ABCA13: variants seen among roughly 807,000 people sequenced by gnomAD.
ABCA13 encodes ATP binding cassette subfamily A member 13, also known as ATP-binding cassette sub-family A member 13.
Under a neutral mutation model 478.7 loss-of-function variants are expected in ABCA13, and 476 were observed. The ratio of observed to expected loss-of-function variants is 0.99; its 90% confidence interval spans 0.92 to 1.07. The LOEUF (loss-of-function observed/expected upper bound fraction) is 1.07. Among genes scored for constraint, ABCA13 ranks in the 50% least tolerant of loss-of-function variants. ABCA13 has a pLI of 0.00. For missense variants in ABCA13, 6,060 were observed against 5,910.6 expected (o/e 1.03, Z -0.83); for synonymous variants, 2,252 against 2,158.9 (o/e 1.04, Z -1.20).
At chr7:48,532,415 A>AT (rs796784957) in intron 55 of ABCA13, among the ~76,000 whole-genome samples, 105 of 151,634 alleles carry the variant, frequency 6.9e-4, no homozygotes, top group African/African-American at 2.5e-3. Context: ...TTTTATAAGG[A>AT]TTTTTTCATC....
At chr7:48,332,257 T>A (rs1459434255) in intron 27 of ABCA13, among the ~76,000 whole-genome samples, 1 of 152,214 alleles carries the variant, frequency 6.6e-6, no homozygotes, top group African/African-American at 2.4e-5. Flanking sequence ...CCCTAAGACA[T>A]GATTTTAGGA....
intron 59 of ABCA13, among the ~76,000 whole-genome samples, chr7:48,625,766 C>CA (rs576701060): frequency 5.7e-4 from 87 of 152,136 alleles, no homozygotes; most frequent in African/African-American, 1.9e-3. Context: ...CAAAAGTAAA[C>CA]ATTCGGCATT....
At chr7:48,190,923 T>A (rs1211367530) in intron 1 of ABCA13, among the ~76,000 whole-genome samples, 2 of 152,188 alleles carry the variant, frequency 1.3e-5, no homozygotes, top group African/African-American at 2.4e-5. Context: ...TGAGTCTTGG[T>A]TCTATAAACC....
Position 48,645,916 on chromosome 7 carries a change from T to C in ABCA13, c.*404T>C, listed in dbSNP as rs1391867064. The C allele has an allele frequency of 5.9e-6, 1 of 170,334 alleles. No homozygotes were observed. The highest frequency in any genetic ancestry group is 1.2e-5 in the Non-Finnish European group (1 of 81,048). 10.6% of individuals were successfully genotyped at this position (170,334 alleles called of 1,614,324 possible). ...GAAAACTGAGCCCCCTCCCCACAGG[T>C]TAAAAAACTTTAGTAACTTGTTTGT... On this transcript the variant is annotated 3_prime_UTR_variant, in exon 62 of 62. Transcript: ENST00000435803.
intron 54 of ABCA13, among the ~76,000 whole-genome samples, chr7:48,527,374 G>A (rs1244876973): frequency 6.6e-6 from 1 of 152,102 alleles, no homozygotes; most frequent in African/African-American, 2.4e-5. Flanking sequence ...AAATCCAGAA[G>A]CAGTCACTTT....
intron 41 of ABCA13, among the ~76,000 whole-genome samples, chr7:48,417,279 C>CT (rs1044403824): frequency 9.2e-5 from 14 of 151,930 alleles, no homozygotes; most frequent in Non-Finnish European, 1.6e-4. Context: ...GTCCTAGATG[C>CT]TTTTTTTTCA....
At chr7:48,374,890 G>A (rs561653295) in intron 34 of ABCA13, among the ~76,000 whole-genome samples, 16 of 152,282 alleles carry the variant, frequency 1.1e-4, no homozygotes, top group East Asian at 1.9e-4. Flanking sequence ...CATTGCTCAC[G>A]TTATCGCCTG....
chr7:48,368,171 C>T (rs1212666558), intron 32 of ABCA13, among the ~76,000 whole-genome samples: 1 of 152,114 alleles, frequency 6.6e-6, no homozygotes, highest in Non-Finnish European at 1.5e-5. Context: ...GCCAGTGTTC[C>T]TCATTCAGCA....
At chr7:48,429,413 A>G (rs1183569017) in intron 42 of ABCA13, among the ~76,000 whole-genome samples, 1 of 152,206 alleles carries the variant, frequency 6.6e-6, no homozygotes, top group Non-Finnish European at 1.5e-5. Flanking sequence ...TAATTTCTCC[A>G]CATTCTCCCA....
At chr7:48,324,011 G>C (rs1231695842) in intron 27 of ABCA13, among the ~76,000 whole-genome samples, 1 of 152,158 alleles carries the variant, frequency 6.6e-6, no homozygotes, top group Non-Finnish European at 1.5e-5. Flanking sequence ...ATGGAACTGT[G>C]AGTCAATTAA....
At chr7:48,543,364 C>T (rs1474795804) in intron 55 of ABCA13, among the ~76,000 whole-genome samples, 1 of 151,808 alleles carries the variant, frequency 6.6e-6, no homozygotes, top group African/African-American at 2.4e-5. Flanking sequence ...TGGCTCACGC[C>T]TGTAATCCTA....
chr7:48,244,857 T>A (rs1360283087), intron 11 of ABCA13, among the ~76,000 whole-genome samples, 154 bp downstream of exon 11: 1 of 152,202 alleles, frequency 6.6e-6, no homozygotes, highest in Non-Finnish European at 1.5e-5. Flanking sequence ...TGATGCCTTC[T>A]AGGGGATTTA....
chr7:48,524,165 C>T, intron 53 of ABCA13, 83 bp from the exon 54 acceptor site: 1 of 1,334,956 alleles, frequency 7.5e-7, no homozygotes, highest in Non-Finnish European at 1.0e-6. Context: ...CAATTTTTTA[C>T]AAATCTCTGA....
In ABCA13 at chr7:48,481,016, C is replaced by A; in HGVS notation, c.12976-20C>A. On this transcript the variant is annotated intron_variant, in intron 45 of 61. Transcript: ENST00000435803. ...GAATTATAAAAAAGTTTGTTTTTAT[C>A]TTTTTGAAAACAATTTCAGAAGTGT... The A allele has an allele frequency of 1.3e-6, 2 of 1,529,032 alleles. No individual in the cohort carries two copies. Among genetic ancestry groups the A allele is most frequent in the Non-Finnish European group, 1.8e-6 (2 of 1,124,778 alleles). The allele number at this position is 1,529,032 out of a possible 1,614,324, so 94.7% of individuals were successfully genotyped here.
At chr7:48,554,716 T>C (rs1228089295) in intron 55 of ABCA13, among the ~76,000 whole-genome samples, 1 of 151,694 alleles carries the variant, frequency 6.6e-6, no homozygotes, top group Non-Finnish European at 1.5e-5. Flanking sequence ...CTAGTAGTTT[T>C]TTGTGCTAGA....
At chr7:48,493,189 A>G (rs1254190685) in intron 48 of ABCA13, among the ~76,000 whole-genome samples, 8 of 152,200 alleles carry the variant, frequency 5.3e-5, no homozygotes, top group African/African-American at 1.9e-4. Flanking sequence ...TGTGTTTTCT[A>G]AAGTCTTTAT....
At chr7:48,211,720 A>C (rs1165221923) in intron 3 of ABCA13, among the ~76,000 whole-genome samples, 1 of 152,116 alleles carries the variant, frequency 6.6e-6, no homozygotes, top group Admixed American at 6.5e-5. Context: ...TCAGGGCAGC[A>C]GATTCTCATC....
At chr7:48,520,420 C>T (rs975409091) in intron 53 of ABCA13, 126 bp downstream of exon 53, 22 of 1,086,840 alleles carry the variant, frequency 2.0e-5, no homozygotes, top group South Asian at 1.5e-4. Flanking sequence ...AGTTCTAATG[C>T]GTTAAGATTT....
At chr7:48,549,098 C>T (rs1785080675) in intron 55 of ABCA13, among the ~76,000 whole-genome samples, 2 of 151,636 alleles carry the variant, frequency 1.3e-5, no homozygotes, top group Admixed American at 6.6e-5. Flanking sequence ...GCAGAATGTG[C>T]AGGTTTGTTA....
Sources: allele counts gnomAD v4.1 joint callset (sites outside exome capture counted in the v4.1 genomes callset), GRCh38; gene constraint gnomAD v4.1.1; transcripts MANE v1.5; gene names NCBI Gene and HGNC (gene_info 2026-07-23, HGNC 2026-07-21).